CHODL: variants seen among roughly 807,000 people sequenced by gnomAD.
CHODL encodes the protein transmembrane protein MT75.
In CHODL, 29 loss-of-function variants were observed where a neutral mutation model predicts 34.5. The observed-to-expected ratio is 0.84, with a 90% CI of 0.63 to 1.15. CHODL has a LOEUF of 1.15. Ranked by LOEUF, CHODL falls within the 50% of genes most tolerant of loss-of-function variation. The pLI is 0.00. For missense variants in CHODL, 332 were observed against 332.5 expected (o/e 1.00, Z 0.01); for synonymous variants, 125 against 116.1 (o/e 1.08, Z -0.49).
intron 3 of CHODL, among the ~76,000 whole-genome samples, chr21:18,258,093 C>G (rs1043506555): frequency 1.3e-5 from 2 of 152,086 alleles, no homozygotes; most frequent in East Asian, 3.9e-4. Flanking sequence ...TTACATGATT[C>G]TTTTTCTCAT....
chr21:18,021,636 CTGAG>C (rs1248289884), intron 1 of CHODL, among the ~76,000 whole-genome samples: 11 of 152,164 alleles, frequency 7.2e-5, no homozygotes, highest in African/African-American at 1.7e-4. Context: ...TATAGCTTAG[CTGAG>C]TGAGTAAATA....
chr21:18,248,660 TATATGTATA>T (rs2074176663), intron 1 of CHODL, among the ~76,000 whole-genome samples: 2 of 108,508 alleles, frequency 1.8e-5, no homozygotes, highest in Non-Finnish European at 3.7e-5. Context: ...TATATACATA[TATATGTATA>T]ATACATATAT....
At chr21:18,049,802 T>G (rs1418628605) in intron 2 of CHODL, among the ~76,000 whole-genome samples, 1 of 151,992 alleles carries the variant, frequency 6.6e-6, no homozygotes, top group Non-Finnish European at 1.5e-5. Flanking sequence ...AAAGACCTTT[T>G]CTTCAAATAC....
chr21:18,023,387 G>A (rs757631996), intron 1 of CHODL, among the ~76,000 whole-genome samples: 4 of 152,128 alleles, frequency 2.6e-5, no homozygotes, highest in African/African-American at 7.2e-5. Flanking sequence ...CCAGCTGGTA[G>A]TCATACAGGA....
intron 2 of CHODL, among the ~76,000 whole-genome samples, chr21:18,063,661 A>G (rs937291443): frequency 1.2e-4 from 18 of 152,228 alleles, no homozygotes; most frequent in Admixed American, 2.6e-4. Context: ...ATGATGAATT[A>G]ACAAATATTC....
intron 1 of CHODL, among the ~76,000 whole-genome samples, chr21:17,931,307 A>G (rs1241083309): frequency 1.3e-5 from 2 of 152,238 alleles, no homozygotes; most frequent in African/African-American, 4.8e-5. Flanking sequence ...AAAGCCCGAT[A>G]CAAAACATGC....
intron 2 of CHODL, among the ~76,000 whole-genome samples, chr21:18,207,868 T>A (rs2073730697): frequency 6.6e-6 from 1 of 152,036 alleles, no homozygotes; most frequent in African/African-American, 2.4e-5. Flanking sequence ...TTTATCTTGC[T>A]GCTTTTAGGA....
intron 1 of CHODL, among the ~76,000 whole-genome samples, chr21:17,978,467 C>T (rs1389702750): frequency 3.6e-4 from 54 of 151,222 alleles, no homozygotes; most frequent in Admixed American, 3.4e-3. Context: ...GCCTGTAATC[C>T]CAGCACTTTG....
intron 2 of CHODL, among the ~76,000 whole-genome samples, chr21:18,224,834 A>C (rs1269021734): frequency 6.6e-6 from 1 of 151,986 alleles, no homozygotes; most frequent in Admixed American, 6.6e-5. Flanking sequence ...TTTTCCTTCA[A>C]CTTCTTATAA....
intron 1 of CHODL, among the ~76,000 whole-genome samples, chr21:17,952,981 A>G (rs2063470672): frequency 6.6e-6 from 1 of 152,146 alleles, no homozygotes; most frequent in Non-Finnish European, 1.5e-5. Flanking sequence ...CCTCACTATC[A>G]TGAGAACAGC....
chr21:18,067,613 C>G (rs1052249905), intron 2 of CHODL, among the ~76,000 whole-genome samples: 4 of 152,194 alleles, frequency 2.6e-5, no homozygotes, highest in African/African-American at 9.7e-5. Flanking sequence ...GACTATGAAA[C>G]AATCAGTTTC....
intron 2 of CHODL, among the ~76,000 whole-genome samples, chr21:18,184,108 C>G (rs28633927): frequency 6.6e-6 from 1 of 152,176 alleles, no homozygotes; most frequent in Admixed American, 6.5e-5. Context: ...TACAGTTTCA[C>G]GTACTTTTCT....
intron 2 of CHODL, among the ~76,000 whole-genome samples, chr21:18,029,317 CCTTG>C (rs968719514): frequency 9.2e-5 from 14 of 152,070 alleles, no homozygotes; most frequent in African/African-American, 3.4e-4. Flanking sequence ...TAGAATCACA[CCTTG>C]CTTGCAGGCA....
At chr21:18,163,628 A>T (rs1311183097) in intron 2 of CHODL, among the ~76,000 whole-genome samples, 3 of 152,214 alleles carry the variant, frequency 2.0e-5, no homozygotes, top group African/African-American at 7.2e-5. Context: ...CTTAAACCTA[A>T]GAGTGTCAGG....
intron 1 of CHODL, among the ~76,000 whole-genome samples, chr21:17,997,178 T>C (rs908497917): frequency 6.6e-6 from 1 of 152,238 alleles, no homozygotes; most frequent in Non-Finnish European, 1.5e-5. Context: ...GTTGCATTTG[T>C]CTTCCAAATA....
At chr21:18,246,286 T>C (rs2074140625) in intron 1 of CHODL, among the ~76,000 whole-genome samples, 1 of 141,512 alleles carries the variant, frequency 7.1e-6, no homozygotes, top group Non-Finnish European at 1.5e-5. Flanking sequence ...GGGTGAAAAG[T>C]TTTTTTAAAA....
intron 1 of CHODL, among the ~76,000 whole-genome samples, chr21:17,963,057 A>T (rs197569): frequency 0.41 from 54,633 of 134,374 alleles, 10,350 homozygotes; most frequent in East Asian, 0.66. Context: ...GAGCGAGACT[A>T]TGTCTCAAAA....
At position 18,234,418 on chromosome 21, in the gene CHODL, C is replaced by T. The variant is rs141355796; in HGVS notation, c.-44-22091C>T. On this transcript the variant is annotated intron_variant, in intron 2 of 6. Coordinates refer to the CHODL transcript ENST00000400127. ...AGCTGGCGTTTAAGCCAGAAAGAAACACCTGTTTCTCTCTGGTACATGTTT... is the reference window on the plus strand; with the variant it reads ...AGCTGGCGTTTAAGCCAGAAAGAAATACCTGTTTCTCTCTGGTACATGTTT... Among the ~76,000 whole-genome samples the T allele has an allele frequency of 2.0e-5, 3 of 152,186 alleles. No homozygotes were observed. In the East Asian group the frequency reaches 5.8e-4, roughly 29 times the overall value.
At chr21:18,073,964 A>AT (rs1366628528) in intron 2 of CHODL, among the ~76,000 whole-genome samples, 3 of 151,894 alleles carry the variant, frequency 2.0e-5, no homozygotes, top group African/African-American at 4.8e-5. Flanking sequence ...ATAGAAGGTC[A>AT]TTTTTTTTCT....
Sources: gnomAD v4.1 joint callset for allele counts (sites outside exome capture counted in the v4.1 genomes callset) on GRCh38, gnomAD v4.1.1 for gene constraint, MANE v1.5 for transcripts, NCBI Gene and HGNC (gene_info 2026-07-23, HGNC 2026-07-21) for gene names.